DMRT1: variants seen among roughly 807,000 people sequenced by gnomAD.
The protein encoded by DMRT1 is doublesex and mab-3 related transcription factor 1.
In DMRT1, 7 loss-of-function variants were observed where a neutral mutation model predicts 32.3. The ratio of observed to expected loss-of-function variants is 0.22; its 90% CI spans 0.12 to 0.41. The LOEUF is 0.41. DMRT1 is among the 10% of genes least tolerant of loss of function. DMRT1 has a pLI of 1.00. For missense variants in DMRT1, 625 were observed against 500.5 expected, an observed-to-expected ratio of 1.25 and a Z score of -2.37; for synonymous variants, 278 against 206.1, an observed-to-expected ratio of 1.35 and a Z score of -2.99.
At position 947,918 on chromosome 9, in the gene DMRT1, C is replaced by T. The variant is rs958274845; in HGVS notation, c.968-20067C>T. 5.9e-5 allele frequency among the ~76,000 whole-genome samples: 9 copies of T among 152,334 alleles called. No homozygotes were observed. In the East Asian group the frequency reaches 1.7e-3, roughly 29 times the overall value. On this transcript the variant is annotated intron_variant, in intron 4 of 4. Transcript: ENST00000382276. Reference sequence around the variant, plus strand: ...TCTTTGATGAATGGATTTCTCCCAACAGTGGGCCTGGGGTCAGCCATGCTG... The same window carrying T: ...TCTTTGATGAATGGATTTCTCCCAATAGTGGGCCTGGGGTCAGCCATGCTG...
At chr9:883,740 C>T (rs1372094135) in intron 2 of DMRT1, among the ~76,000 whole-genome samples, 1 of 151,258 alleles carries the variant, frequency 6.6e-6, no homozygotes, top group Non-Finnish European at 1.5e-5. Flanking sequence ...TGCCGTGAGC[C>T]ATGATCACAC....
At chr9:864,105 C>T (rs576832207) in intron 2 of DMRT1, among the ~76,000 whole-genome samples, 2 of 152,156 alleles carry the variant, frequency 1.3e-5, no homozygotes, top group African/African-American at 4.8e-5. Flanking sequence ...TGTAACTTTT[C>T]CACTTCCTGT....
chr9:943,950 C>A (rs4742580), intron 4 of DMRT1, among the ~76,000 whole-genome samples: 176 of 152,076 alleles, frequency 1.2e-3, no homozygotes, highest in African/African-American at 4.1e-3. Context: ...CCTTGTGTTT[C>A]TTGGAGTGGG....
At chr9:880,011 C>G (rs1004535456) in intron 2 of DMRT1, among the ~76,000 whole-genome samples, 20 of 152,172 alleles carry the variant, frequency 1.3e-4, no homozygotes, top group Admixed American at 1.3e-3. Context: ...TTCTAAAATT[C>G]TAATTTTTAC....
chr9:915,520 G>A (rs943572030), intron 3 of DMRT1, among the ~76,000 whole-genome samples: 4 of 152,130 alleles, frequency 2.6e-5, no homozygotes, highest in African/African-American at 9.7e-5. Context: ...GGGCGCTTGT[G>A]CCTCCTTACT....
intron 3 of DMRT1, among the ~76,000 whole-genome samples, chr9:900,140 G>C (rs10125312): frequency 2.6e-5 from 4 of 151,426 alleles, no homozygotes; most frequent in South Asian, 4.2e-4. Context: ...TTGATCCCTG[G>C]AGTTGGGGAT....
chr9:930,205 A>C (rs1253155478), intron 4 of DMRT1, among the ~76,000 whole-genome samples: 1 of 152,044 alleles, frequency 6.6e-6, no homozygotes, highest in East Asian at 1.9e-4. Flanking sequence ...GGATGGAGCT[A>C]GATTGTTCTA....
At chr9:908,832 C>T (rs1204482838) in intron 3 of DMRT1, among the ~76,000 whole-genome samples, 2 of 152,132 alleles carry the variant, frequency 1.3e-5, no homozygotes, top group African/African-American at 4.8e-5. Flanking sequence ...CCCCCGTTTT[C>T]CCCTCCCACC....
chr9:915,447 G>A (rs1051712287), intron 3 of DMRT1, among the ~76,000 whole-genome samples: 2 of 152,084 alleles, frequency 1.3e-5, no homozygotes, highest in South Asian at 4.2e-4. Flanking sequence ...GGTCCTAAAG[G>A]CAGGGTCTGG....
At chr9:941,501 A>C (rs1819070989) in intron 4 of DMRT1, among the ~76,000 whole-genome samples, 1 of 152,202 alleles carries the variant, frequency 6.6e-6, no homozygotes, top group Non-Finnish European at 1.5e-5. Context: ...ACATAGAGGC[A>C]AAAAGTGGAG....
At chr9:884,216 C>T (rs921116936) in intron 2 of DMRT1, among the ~76,000 whole-genome samples, 26 of 152,206 alleles carry the variant, frequency 1.7e-4, no homozygotes, top group African/African-American at 4.8e-4. Flanking sequence ...AGCCTTCACC[C>T]ACCTTAAAAT....
At chr9:866,605 G>A (rs12336132) in intron 2 of DMRT1, among the ~76,000 whole-genome samples, 12 of 152,100 alleles carry the variant, frequency 7.9e-5, no homozygotes, top group Non-Finnish European at 4.4e-5. Context: ...CAACGAGAGA[G>A]TCTCAAGGAC....
chr9:896,369 C>T (rs1480521589), intron 3 of DMRT1, among the ~76,000 whole-genome samples: 8 of 148,704 alleles, frequency 5.4e-5, no homozygotes, highest in Non-Finnish European at 1.2e-4. Context: ...ACCTCCACCT[C>T]CTGGGTTCAA....
chr9:925,336 G>A (rs1355753131), intron 4 of DMRT1, among the ~76,000 whole-genome samples: 1 of 152,260 alleles, frequency 6.6e-6, no homozygotes, highest in East Asian at 1.9e-4. Context: ...ACAAACATGG[G>A]GTACTGTCCC....
chr9:886,551 C>G (rs190367443), intron 2 of DMRT1, among the ~76,000 whole-genome samples: 5 of 151,942 alleles, frequency 3.3e-5, no homozygotes, highest in Admixed American at 3.3e-4. Context: ...CCACCGTGTA[C>G]GGCCAAACTG....
chr9:949,939 GTCC>G (rs1465117265), intron 4 of DMRT1, among the ~76,000 whole-genome samples: 1 of 152,086 alleles, frequency 6.6e-6, no homozygotes, highest in African/African-American at 2.4e-5. Flanking sequence ...ATAGCACATT[GTCC>G]TTATTCATCT....
intron 2 of DMRT1, among the ~76,000 whole-genome samples, chr9:850,023 T>C (rs189151280): frequency 6.6e-6 from 1 of 152,218 alleles, no homozygotes. Flanking sequence ...TCCTCCATGT[T>C]GGTCAGGCTG....
chr9:910,608 C>G (rs575528248), intron 3 of DMRT1, among the ~76,000 whole-genome samples: 1 of 151,314 alleles, frequency 6.6e-6, no homozygotes. Flanking sequence ...GTGGCTAACA[C>G]GTATAAAAGG....
At chr9:853,147 T>A (rs888006877) in intron 2 of DMRT1, among the ~76,000 whole-genome samples, 5 of 152,146 alleles carry the variant, frequency 3.3e-5, no homozygotes, top group African/African-American at 1.2e-4. Context: ...AGATTTTTTT[T>A]ATATACTCCC....
Sources: allele counts gnomAD v4.1 joint callset (sites outside exome capture counted in the v4.1 genomes callset), GRCh38; gene constraint gnomAD v4.1.1; transcripts MANE v1.5; gene names NCBI Gene and HGNC (gene_info 2026-07-23, HGNC 2026-07-21).